The following ANKHD1 variants were observed in gnomAD, a reference collection of about 807,000 sequenced individuals.
The protein encoded by ANKHD1 is ankyrin repeat and KH domain-containing protein 1.
ANKHD1 carries 31 observed loss-of-function variants against 230.5 expected under a neutral mutation model. That is an observed-to-expected ratio of 0.13 (90% CI 0.10 to 0.18). The LOEUF (loss-of-function observed/expected upper bound fraction) is 0.18. Ranked by LOEUF, ANKHD1 falls within the 10% of genes least tolerant of loss-of-function variation. The probability of loss-of-function intolerance (pLI) is 1.00; values close to 1 mark genes in which losing one functional copy is unlikely to be tolerated. For synonymous variants in ANKHD1, 1,074 were observed against 1,117.6 expected (o/e 0.96, Z 0.78); for missense variants, 2,256 against 3,071.3 (o/e 0.73, Z 6.27).
At chr5:140,534,287 G>C (rs1288325177) in intron 29 of ANKHD1, among the ~76,000 whole-genome samples, 1 of 152,070 alleles carries the variant, frequency 6.6e-6, no homozygotes, top group Non-Finnish European at 1.5e-5. Flanking sequence ...AGCTACTTGG[G>C]AGGCTGAGGC....
intron 10 of ANKHD1, among the ~76,000 whole-genome samples, chr5:140,480,908 A>G (rs1751245178): frequency 6.6e-6 from 1 of 152,098 alleles, no homozygotes; most frequent in African/African-American, 2.4e-5. Flanking sequence ...TATAATACTT[A>G]CACAGACTAA....
intron 14 of ANKHD1, among the ~76,000 whole-genome samples, chr5:140,490,203 C>T (rs1751706920): frequency 6.6e-6 from 1 of 152,034 alleles, no homozygotes. Flanking sequence ...GGTTCTTATT[C>T]CCTAGGACTC....
chr5:140,469,339 CAAA>C (rs1034952876), intron 10 of ANKHD1, among the ~76,000 whole-genome samples: 7 of 87,588 alleles, frequency 8.0e-5, no homozygotes, highest in Non-Finnish European at 7.2e-5. Flanking sequence ...CTGTCTCTAC[CAAA>C]AAAAAAAAAA....
chr5:140,459,450 T>C lies in ANKHD1; in HGVS notation c.1672+95T>C, dbSNP rs949642905. 12 of 1,386,202 alleles carry C rather than the reference T, an allele frequency of 8.7e-6. No homozygotes were observed. In the South Asian group the frequency reaches 1.2e-4, roughly 13 times the overall value. 85.9% of individuals were successfully genotyped at this position (1,386,202 alleles called of 1,614,324 possible). ...AAAACGTTGAGCTCCTAGTAGATAA[T>C]AGAATGGTGGTTACCAGAGTGTGGG... On this transcript the variant is annotated intron_variant, in intron 9 of 33. Transcript: ENST00000360839.
chr5:140,474,662 T>G (rs1750868448), intron 10 of ANKHD1, among the ~76,000 whole-genome samples: 1 of 150,066 alleles, frequency 6.7e-6, no homozygotes, highest in South Asian at 2.1e-4. Flanking sequence ...AAAAGCGTGA[T>G]TATAGCTCAC....
At chr5:140,492,144 G>A (rs1751837116) in intron 14 of ANKHD1, among the ~76,000 whole-genome samples, 1 of 152,024 alleles carries the variant, frequency 6.6e-6, no homozygotes, top group South Asian at 2.1e-4. Flanking sequence ...TAGAAAAATT[G>A]TATATACAGT....
At chr5:140,429,384 G>A (rs893393472) in intron 1 of ANKHD1, among the ~76,000 whole-genome samples, 5 of 152,116 alleles carry the variant, frequency 3.3e-5, no homozygotes, top group South Asian at 4.1e-4. Flanking sequence ...GAGCCACTGC[G>A]CCCAGCCTGG....
chr5:140,476,645 G>A (rs1750982711), intron 10 of ANKHD1, among the ~76,000 whole-genome samples: 1 of 151,896 alleles, frequency 6.6e-6, no homozygotes, highest in Non-Finnish European at 1.5e-5. Flanking sequence ...AATCTACAAA[G>A]AATAAACGAA....
chr5:140,458,610 T>TTCTTTA lies in ANKHD1; in HGVS notation c.1243-15_1243-14insTCTTTA. 1 of 1,574,178 alleles carries TTCTTTA rather than the reference T, an allele frequency of 6.4e-7. No homozygotes were observed. Among genetic ancestry groups the TTCTTTA allele is most frequent in the Non-Finnish European group, 8.7e-7 (1 of 1,152,924 alleles). On this transcript the variant is annotated splice_polypyrimidine_tract_variant and intron_variant, in intron 7 of 33. Coordinates refer to ENST00000360839, the MANE Select transcript of ANKHD1 (RefSeq NM_017747.3). ...AAATTTCTCTCCTTCTTTCTTTACT[T>TTCTTTA]CTGAAAATCTGCAGGATGGACATGT... is the stretch of plus-strand genomic sequence containing the variant.
intron 1 of ANKHD1, among the ~76,000 whole-genome samples, chr5:140,403,730 G>A (rs957082713): frequency 6.6e-6 from 1 of 152,146 alleles, no homozygotes; most frequent in Non-Finnish European, 1.5e-5. Context: ...ATTGTTTTAA[G>A]TGCTCAGAGT....
In ANKHD1 at chr5:140,506,010, C is replaced by G; in HGVS notation, c.3408+141C>G. 1 of 1,372,046 alleles carries G rather than the reference C, an allele frequency of 7.3e-7. No individual in the cohort carries two copies. Among genetic ancestry groups the G allele is most frequent in the Non-Finnish European group, 9.7e-7 (1 of 1,032,674 alleles). The allele number at this position is 1,372,046 out of a possible 1,614,324, so 85.0% of individuals were successfully genotyped here. A position where few individuals can be genotyped will look rare whatever the true frequency, so the allele number is the denominator to read the frequency against. On this transcript the variant is annotated intron_variant, in intron 18 of 33. Transcript: ENST00000360839. This position sits in a 1 kb window ranked among gnomAD's most constrained non-coding sequence, Gnocchi z 4.7. ...TCTGAGGCAGGGTCTTGCTCTGTCT[C>G]CCAGGCTAGAGTACAGTGGTGCAAT...
chr5:140,517,135 C>T (rs1260246283), intron 24 of ANKHD1, among the ~76,000 whole-genome samples: 34 of 147,760 alleles, frequency 2.3e-4, no homozygotes, highest in Non-Finnish European at 3.7e-4. Context: ...GCAGGGGTTG[C>T]AATCCTAGCC....
chr5:140,446,733 A>G, intron 6 of ANKHD1, among the ~76,000 whole-genome samples: 1 of 152,190 alleles, frequency 6.6e-6, no homozygotes. Context: ...GCATGTATAC[A>G]ATATTTTAGT....
At chr5:140,411,321 A>G (rs988521991) in intron 1 of ANKHD1, among the ~76,000 whole-genome samples, 12 of 152,226 alleles carry the variant, frequency 7.9e-5, no homozygotes, top group African/African-American at 2.9e-4. Flanking sequence ...CACACAGTTA[A>G]TATGTAGCAG....
At chr5:140,430,315 G>T (rs1772935128) in intron 1 of ANKHD1, among the ~76,000 whole-genome samples, 1 of 152,242 alleles carries the variant, frequency 6.6e-6, no homozygotes, top group African/African-American at 2.4e-5. Context: ...TTGGTGTTTA[G>T]AACTTGCCTT....
intron 1 of ANKHD1, among the ~76,000 whole-genome samples, chr5:140,427,382 C>A (rs1772556196): frequency 1.6e-5 from 1 of 60,932 alleles, no homozygotes; most frequent in African/African-American, 6.7e-5. Context: ...CTGACCCCCC[C>A]CCACCTCCCT....
At chr5:140,482,467 A>G in intron 10 of ANKHD1, 113 bp from the exon 11 acceptor site, 5 of 1,191,900 alleles carry the variant, frequency 4.2e-6, no homozygotes, top group Non-Finnish European at 5.8e-6. Context: ...TAAAGTGTCT[A>G]CAATGAGTAA....
intron 1 of ANKHD1, among the ~76,000 whole-genome samples, chr5:140,403,208 A>T (rs1770130246): frequency 6.6e-6 from 1 of 151,618 alleles, no homozygotes; most frequent in Non-Finnish European, 1.5e-5. Context: ...ACCTCAGGTG[A>T]TCCGCCCGCC....
chr5:140,414,669 A>G (rs1379785349), intron 1 of ANKHD1, among the ~76,000 whole-genome samples: 2 of 152,002 alleles, frequency 1.3e-5, no homozygotes, highest in African/African-American at 4.8e-5. Context: ...TGTCTCTACA[A>G]AAAGTAAAAA....
Sources: gnomAD v4.1 joint callset for allele counts (sites outside exome capture counted in the v4.1 genomes callset) on GRCh38, gnomAD v4.1.1 for gene constraint, Gnocchi (gnomAD v3.1) non-coding constraint, MANE v1.5 for transcripts, NCBI Gene and HGNC (gene_info 2026-07-23, HGNC 2026-07-21) for gene names.